DOCK4: variants seen among roughly 807,000 people sequenced by gnomAD.
DOCK4 encodes dedicator of cytokinesis 4, also known as dedicator of cytokinesis protein 4.
In DOCK4, 97 loss-of-function variants were observed where a neutral mutation model predicts 268.1. The observed-to-expected ratio is 0.36, with a 90% CI of 0.31 to 0.43. DOCK4 has a LOEUF of 0.43. Among genes scored for constraint, DOCK4 ranks in the 20% least tolerant of loss-of-function variants. The pLI is 1.00. For synonymous variants in DOCK4, 954 were observed against 887.2 expected (o/e 1.08, Z -1.34); for missense variants, 2,145 against 2,455.7 (o/e 0.87, Z 2.67).
At chr7:111,921,609 A>G (rs1382923779) in intron 12 of DOCK4, among the ~76,000 whole-genome samples, 1 of 152,236 alleles carries the variant, frequency 6.6e-6, no homozygotes, top group Non-Finnish European at 1.5e-5. Flanking sequence ...GTGCAGTTTA[A>G]GAATCATATC....
chr7:112,155,370 TTC>T (rs1368355556), intron 1 of DOCK4, among the ~76,000 whole-genome samples: 5 of 152,172 alleles, frequency 3.3e-5, no homozygotes, highest in African/African-American at 9.7e-5. Flanking sequence ...TGAATTTTGA[TTC>T]CCACTAATTC....
chr7:111,738,638 A>G (rs1438704796), intron 49 of DOCK4, among the ~76,000 whole-genome samples: 4 of 152,204 alleles, frequency 2.6e-5, no homozygotes, highest in Non-Finnish European at 5.9e-5. Context: ...ATGTGTCCCT[A>G]TCAGAAATAT....
intron 39 of DOCK4, among the ~76,000 whole-genome samples, chr7:111,762,676 T>C (rs1797487512): frequency 6.6e-6 from 1 of 151,792 alleles, no homozygotes; most frequent in Non-Finnish European, 1.5e-5. Context: ...TTTGTGTAAA[T>C]ATATATTTTC....
intron 23 of DOCK4, among the ~76,000 whole-genome samples, chr7:111,849,444 G>A (rs891287316): frequency 1.3e-5 from 2 of 151,970 alleles, no homozygotes; most frequent in African/African-American, 4.8e-5. Context: ...TGTATTTTTA[G>A]TAGAGACAGG....
At chr7:111,741,911 T>C (rs1795943195) in intron 45 of DOCK4, 102 bp downstream of exon 45, 3 of 1,440,056 alleles carry the variant, frequency 2.1e-6, no homozygotes, top group Non-Finnish European at 2.8e-6. Flanking sequence ...TGCAGTTTGG[T>C]AGAAAAACCA....
At position 111,984,385 on chromosome 7, in the gene DOCK4, A is replaced by G. The variant is rs1798880438; in HGVS notation, c.470T>C (p.Leu157Pro). The G allele has an allele frequency of 5.0e-6, 8 of 1,612,126 alleles. No individual in the cohort carries two copies. Among genetic ancestry groups the G allele is most frequent in the Non-Finnish European group, 6.8e-6 (8 of 1,179,124 alleles). ...TTTCCTAGGCACCAGGTCCAGTCCC[A>G]GTTGTCTAGAAAACAAATTGCAAAA... Reference protein sequence around the residue: ...TARLDWGNEQLGLDLVPRKEY... With the variant: ...TARLDWGNEQPGLDLVPRKEY... The change falls in exon 7 of 53, where the codon CTG becomes CCG. Residue 157 changes from leucine to proline, a missense_variant. By Grantham distance (98) the Leu-to-Pro change is moderately conservative. This residue lies in a region of DOCK4 where 1,598 missense variants were observed against 1,986.7 expected (regional missense o/e 0.80). Transcript: ENST00000428084.
rs60667093 is a variant in DOCK4 at position 111,991,961 on chromosome 7, C to CA, written c.315+2173dup. ...GGGCAACAGAGAGAGACTCTGTCTC[C>CA]AAAAAAAAAAAAAAAAAAAAAAAAA... On this transcript the variant is annotated intron_variant, in intron 5 of 52. Coordinates refer to ENST00000428084, the MANE Select transcript of DOCK4 (RefSeq NM_001363540.2). 7.5e-3 allele frequency among the ~76,000 whole-genome samples: 383 copies of CA among 50,872 alleles called. 19 individuals carry two copies. The highest frequency in any genetic ancestry group is 0.016 in the Middle Eastern group (1 of 62). The allele number at this position is 50,872 out of a possible 152,430, so 33.4% of individuals were successfully genotyped here. A position where few individuals can be genotyped will look rare whatever the true frequency, so the allele number is the denominator to read the frequency against.
chr7:112,095,653 AT>A (rs1451412329), intron 1 of DOCK4, among the ~76,000 whole-genome samples: 1 of 152,250 alleles, frequency 6.6e-6, no homozygotes, highest in Non-Finnish European at 1.5e-5. Flanking sequence ...GAAGGACAAA[AT>A]AAAAGCAAGA....
intron 1 of DOCK4, among the ~76,000 whole-genome samples, chr7:112,135,415 GAA>G (rs35037508): frequency 6.6e-6 from 1 of 151,104 alleles, no homozygotes; most frequent in Non-Finnish European, 1.5e-5. Context: ...AGGTACTTGA[GAA>G]AAAAAAATAT....
chr7:112,167,459 GA>G (rs1817702069), intron 1 of DOCK4, among the ~76,000 whole-genome samples: 1 of 152,090 alleles, frequency 6.6e-6, no homozygotes, highest in Non-Finnish European at 1.5e-5. Flanking sequence ...TGAAAGACAG[GA>G]AAAGGCCATG....
intron 1 of DOCK4, among the ~76,000 whole-genome samples, chr7:112,141,342 T>G (rs1814911498): frequency 6.6e-6 from 1 of 152,202 alleles, no homozygotes; most frequent in East Asian, 1.9e-4. Flanking sequence ...TCAGCTTGGA[T>G]AGACTACAGT....
At chr7:112,113,891 G>C (rs113739259) in intron 1 of DOCK4, among the ~76,000 whole-genome samples, 2 of 151,378 alleles carry the variant, frequency 1.3e-5, no homozygotes, top group Non-Finnish European at 2.9e-5. Context: ...ACCATGCTTC[G>C]CCTGGATTTT....
intron 1 of DOCK4, among the ~76,000 whole-genome samples, chr7:112,154,115 G>A (rs914105474): frequency 2.0e-5 from 3 of 152,048 alleles, no homozygotes; most frequent in African/African-American, 7.2e-5. Context: ...GGGACCACGA[G>A]CATTTGCCAC....
intron 1 of DOCK4, among the ~76,000 whole-genome samples, chr7:112,191,546 C>A (rs1449365836): frequency 3.9e-5 from 6 of 152,158 alleles, no homozygotes; most frequent in Non-Finnish European, 7.3e-5. Flanking sequence ...TCACATAATA[C>A]TGGTATTAAC....
chr7:111,746,294 C>G, intron 44 of DOCK4, 40 bp downstream of exon 44: 1 of 1,556,082 alleles, frequency 6.4e-7, no homozygotes, highest in Non-Finnish European at 8.8e-7. Context: ...AAGCACATAT[C>G]CAGGCAAAAT....
rs1180414231 is a variant in DOCK4, at chr7:112,160,024, A to G, written c.37+46078T>C. Among the ~76,000 whole-genome samples, 5 of 152,070 alleles carry G rather than the reference A, an allele frequency of 3.3e-5. No individual in the cohort carries two copies. In the East Asian group the frequency reaches 7.7e-4, roughly 23 times the overall value. The stretch of plus-strand genomic sequence containing the variant: ...TCCAATGAGCATTTCAGGCTTATAG[A>G]TTTGGGATGCTCAACCAGTAAATAT... On this transcript the variant is annotated intron_variant, in intron 1 of 52. Coordinates refer to ENST00000428084, the MANE Select transcript of DOCK4 (RefSeq NM_001363540.2).
intron 2 of DOCK4, among the ~76,000 whole-genome samples, chr7:112,002,102 T>G (rs775821566): frequency 2.0e-5 from 3 of 152,194 alleles, no homozygotes; most frequent in Admixed American, 6.5e-5. Context: ...TATTTGAGCT[T>G]TGTATTTAAA....
In DOCK4 at chr7:111,989,138, C is replaced by T; in HGVS notation, c.341G>A (p.Arg114Gln). The change falls in exon 6 of 53, where the codon CGG (arginine) becomes CAG (glutamine). Residue 114 changes from arginine (R) to glutamine (Q), a missense_variant. Arg to Gln is a conservative substitution (Grantham distance 43). Transcript: ENST00000428084. ...YVRNEGDLFHRLWHIMNEILD... is the reference protein window; with the variant it reads ...YVRNEGDLFHQLWHIMNEILD... ...GATTTCATTCATGATGTGCCACAGC[C>T]GGTGGAAGAGATCGCCTTCATTACG... 1.9e-6 allele frequency: 3 copies of T among 1,613,974 alleles called. No individual in the cohort carries two copies. The highest frequency in any genetic ancestry group is 2.5e-6 in the Non-Finnish European group (3 of 1,179,882).
At chr7:112,086,235 T>C (rs960293288) in intron 1 of DOCK4, among the ~76,000 whole-genome samples, 3 of 152,048 alleles carry the variant, frequency 2.0e-5, no homozygotes, top group Admixed American at 1.3e-4. Context: ...ATTTCCACAA[T>C]AAATAAGGCA....
Sources: allele counts gnomAD v4.1 joint callset (sites outside exome capture counted in the v4.1 genomes callset), GRCh38; gene constraint gnomAD v4.1.1; regional missense constraint gnomAD v4.1.1; transcripts MANE v1.5; gene names NCBI Gene and HGNC (gene_info 2026-07-23, HGNC 2026-07-21).